Variants in MAP2K5 observed in about 807,000 individuals in gnomAD.
MAP2K5 encodes the protein dual specificity mitogen-activated protein kinase kinase 5.
Under a neutral mutation model 83.1 loss-of-function variants are expected in MAP2K5, and 49 were observed. That is an observed-to-expected ratio of 0.59 (90% CI 0.47 to 0.75). The LOEUF is 0.75. Among genes scored for constraint, MAP2K5 ranks in the 30% least tolerant of loss-of-function variants. MAP2K5 has a pLI of 0.00. For synonymous variants in MAP2K5, 202 were observed against 191.8 expected (o/e 1.05, Z -0.44); for missense variants, 457 against 557.5 (o/e 0.82, Z 1.82).
At chr15:67,709,696 A>C (rs2088642596) in intron 16 of MAP2K5, among the ~76,000 whole-genome samples, 1 of 152,190 alleles carries the variant, frequency 6.6e-6, no homozygotes, top group African/African-American at 2.4e-5. Flanking sequence ...TATTCCATTT[A>C]TATTCTTGTG....
At chr15:67,673,243 C>T (rs8035675) in intron 13 of MAP2K5, among the ~76,000 whole-genome samples, 83,403 of 151,658 alleles carry the variant, frequency 0.55, 23,627 homozygotes, top group Non-Finnish European at 0.6. Context: ...GTAGATCCAC[C>T]GGAAGTTGCA....
At chr15:67,595,218 G>C (rs1185836036) in intron 7 of MAP2K5, among the ~76,000 whole-genome samples, 3 of 152,300 alleles carry the variant, frequency 2.0e-5, no homozygotes, top group Middle Eastern at 3.4e-3. Context: ...TATAGGTTAT[G>C]TGATATAAAT....
intron 8 of MAP2K5, among the ~76,000 whole-genome samples, chr15:67,625,047 G>A (rs943588302): frequency 6.6e-6 from 1 of 152,174 alleles, no homozygotes; most frequent in Non-Finnish European, 1.5e-5. Flanking sequence ...GCTTTTGGGT[G>A]CTTCTGCTGT....
intron 13 of MAP2K5, among the ~76,000 whole-genome samples, chr15:67,682,393 T>G (rs1308813488): frequency 1.3e-5 from 2 of 152,022 alleles, no homozygotes; most frequent in South Asian, 4.2e-4. Flanking sequence ...CCAGCTAATT[T>G]TTTGTATTTT....
chr15:67,549,351 G>T, intron 1 of MAP2K5: 2 of 709,198 alleles, frequency 2.8e-6, no homozygotes, highest in Non-Finnish European at 2.4e-6. Context: ...ACTTTATTTC[G>T]GTGTCATTAA....
chr15:67,726,771 C>G (rs528096979), intron 16 of MAP2K5, among the ~76,000 whole-genome samples: 2 of 152,304 alleles, frequency 1.3e-5, no homozygotes, highest in African/African-American at 4.8e-5. Context: ...GTTAAAGTCC[C>G]TGATGTTGCG....
chr15:67,794,976 G>A lies in MAP2K5; in HGVS notation c.1243-11670G>A, dbSNP rs2090580715. On this transcript the variant is annotated intron_variant, in intron 21 of 21. Transcript: ENST00000178640. The surrounding 1 kb of genome is among the most constrained non-coding windows in gnomAD (Gnocchi z 4.6). ...GAAACCTCTGACGCCCCCGCGGTGGGTGATGTTTTGTCAGTGCTCATTGGC... is the reference window on the plus strand; with the variant it reads ...GAAACCTCTGACGCCCCCGCGGTGGATGATGTTTTGTCAGTGCTCATTGGC... Among the ~76,000 whole-genome samples, 1 of 152,240 alleles carries A rather than the reference G, an allele frequency of 6.6e-6. No individual in the cohort carries two copies. The highest frequency in any genetic ancestry group is 1.5e-5 in the Non-Finnish European group (1 of 68,046).
intron 8 of MAP2K5, chr15:67,627,815 G>C: frequency 2.4e-6 from 1 of 417,256 alleles, no homozygotes; most frequent in South Asian, 3.6e-5. Flanking sequence ...ACGCCACAGA[G>C]GAAACATCAT....
At position 67,757,606 on chromosome 15, in the gene MAP2K5, A is replaced by G. The variant is rs2089865084; in HGVS notation, c.1134+9005A>G. ...CGGTACCGGGGATAGAGAATGAATA[A>G]GATGCTCTTTCCACCATTAAAGAGC... On this transcript the variant is annotated intron_variant, in intron 19 of 21. Coordinates refer to ENST00000178640, the MANE Select transcript of MAP2K5 (RefSeq NM_145160.3). The surrounding 1 kb of genome is among the most constrained non-coding windows in gnomAD (Gnocchi z 4.9). 6.6e-6 allele frequency among the ~76,000 whole-genome samples: 1 copy of G among 152,170 alleles called. No homozygotes were observed. The highest frequency in any genetic ancestry group is 1.5e-5 in the Non-Finnish European group (1 of 68,030).
Position 67,768,917 on chromosome 15 carries a change from C to T in MAP2K5, c.1135-685C>T, listed in dbSNP as rs1338228292. ...ATTATGTGGTGGTGGTTGTTTGTTGCTGTGTAGTTTTCTGCTTTTTTGACT... is the reference window on the plus strand; with the variant it reads ...ATTATGTGGTGGTGGTTGTTTGTTGTTGTGTAGTTTTCTGCTTTTTTGACT... On this transcript the variant is annotated intron_variant, in intron 19 of 21. Transcript: ENST00000178640. This position sits in a 1 kb window ranked among gnomAD's most constrained non-coding sequence, Gnocchi z 4.0. Among the ~76,000 whole-genome samples the T allele has an allele frequency of 6.6e-6, 1 of 152,118 alleles. No individual in the cohort carries two copies. The highest frequency in any genetic ancestry group is 1.5e-5 in the Non-Finnish European group (1 of 68,020).
chr15:67,780,349 C>A lies in MAP2K5; in HGVS notation c.1242+7597C>A, dbSNP rs1050955591. On this transcript the variant is annotated intron_variant, in intron 21 of 21. Coordinates refer to ENST00000178640, the MANE Select transcript of MAP2K5 (RefSeq NM_145160.3). The surrounding 1 kb of genome is among the most constrained non-coding windows in gnomAD (Gnocchi z 5.0). ...GAGGGGAAACTCACTGGTTTAATAC[C>A]TTTTTTCTTCCACTAGATTGTAAGT... Among the ~76,000 whole-genome samples the A allele has an allele frequency of 1.3e-5, 2 of 151,620 alleles. No individual in the cohort carries two copies. The highest frequency in any genetic ancestry group is 2.9e-5 in the Non-Finnish European group (2 of 67,948).
rs979485932 is a variant in MAP2K5, at chr15:67,563,863, C to A, written c.252+513C>A. Among the ~76,000 whole-genome samples the A allele has an allele frequency of 1.1e-4, 17 of 152,090 alleles. No individual in the cohort carries two copies. The highest frequency in any genetic ancestry group is 4.1e-4 in the African/African-American group (17 of 41,420). Reference sequence around the variant, plus strand: ...GGGCTACTTACTGAATCAAAGTGATCTGAATATATTCTGAAACGACTTTTC... The same window carrying A: ...GGGCTACTTACTGAATCAAAGTGATATGAATATATTCTGAAACGACTTTTC... On this transcript the variant is annotated intron_variant, in intron 3 of 21. Coordinates refer to ENST00000178640, the MANE Select transcript of MAP2K5 (RefSeq NM_145160.3). The surrounding 1 kb of genome is among the most constrained non-coding windows in gnomAD (Gnocchi z 4.5).
At chr15:67,585,983 G>C (rs1428697708) in intron 5 of MAP2K5, 53 bp downstream of exon 5, 3 of 1,472,828 alleles carry the variant, frequency 2.0e-6, no homozygotes, top group Non-Finnish European at 2.9e-6. Flanking sequence ...GTAATGCTGT[G>C]TTCCACTTAT....
chr15:67,653,985 G>A (rs772841172), intron 11 of MAP2K5, among the ~76,000 whole-genome samples: 7 of 152,070 alleles, frequency 4.6e-5, no homozygotes, highest in South Asian at 4.2e-4. Context: ...CCACATATGC[G>A]TACTTGAGAA....
intron 15 of MAP2K5, among the ~76,000 whole-genome samples, chr15:67,693,861 T>G (rs1328177338): frequency 6.6e-6 from 1 of 152,222 alleles, no homozygotes; most frequent in South Asian, 2.1e-4. Flanking sequence ...ACTGGCCACT[T>G]TTCCACATTT....
chr15:67,721,945 T>C lies in MAP2K5; in HGVS notation c.1045-5971T>C, dbSNP rs184274497. Reference sequence around the variant, plus strand: ...TTATTATCCCATCTTTAATTTGCAGTGTATTATGATATCATACAAGTTAAT... The same window carrying C: ...TTATTATCCCATCTTTAATTTGCAGCGTATTATGATATCATACAAGTTAAT... On this transcript the variant is annotated intron_variant, in intron 16 of 21. Coordinates refer to ENST00000178640, the MANE Select transcript of MAP2K5 (RefSeq NM_145160.3). 2.4e-3 allele frequency among the ~76,000 whole-genome samples: 372 copies of C among 152,346 alleles called. 2 individuals carry two copies. The highest frequency in any genetic ancestry group is 3.3e-3 in the Non-Finnish European group (226 of 68,028).
At chr15:67,664,129 T>C (rs955377768) in intron 12 of MAP2K5, among the ~76,000 whole-genome samples, 4 of 152,018 alleles carry the variant, frequency 2.6e-5, no homozygotes, top group African/African-American at 7.2e-5. Context: ...CTTTTGCATT[T>C]GGTTTTCCCA....
intron 19 of MAP2K5, among the ~76,000 whole-genome samples, chr15:67,754,940 G>A (rs1327788981): frequency 5.3e-5 from 8 of 152,150 alleles, no homozygotes; most frequent in Non-Finnish European, 1.0e-4. Context: ...GGAGAAATGA[G>A]ACTGAGGGAG....
At chr15:67,546,638 C>T (rs2084394242) in intron 1 of MAP2K5, 12 of 985,192 alleles carry the variant, frequency 1.2e-5, no homozygotes, top group Non-Finnish European at 1.1e-5. Context: ...CTCTTTTTCC[C>T]TGGAGACTGA....
Sources: allele counts gnomAD v4.1 joint callset (sites outside exome capture counted in the v4.1 genomes callset), GRCh38; gene constraint gnomAD v4.1.1; non-coding constraint Gnocchi (gnomAD v3.1); transcripts MANE v1.5; gene names NCBI Gene and HGNC (gene_info 2026-07-23, HGNC 2026-07-21).